SLC9A9: variants seen among roughly 807,000 people sequenced by gnomAD.
SLC9A9 encodes the protein solute carrier family 9 member A9, also known as sodium/hydrogen exchanger 9.
In SLC9A9, 62 loss-of-function variants were observed where a neutral mutation model predicts 77.8. That is an observed-to-expected ratio of 0.80 (90% CI 0.65 to 0.98). SLC9A9 has a LOEUF of 0.98. Ranked by LOEUF, SLC9A9 falls within the 50% of genes least tolerant of loss-of-function variation. The pLI is 0.00. For missense variants in SLC9A9, 775 were observed against 774.9 expected (o/e 1.00, Z 0.00); for synonymous variants, 320 against 283.5 (o/e 1.13, Z -1.29).
intron 4 of SLC9A9, among the ~76,000 whole-genome samples, chr3:143,743,188 TG>T: frequency 6.8e-6 from 1 of 147,348 alleles, no homozygotes; most frequent in Admixed American, 6.8e-5. Context: ...GAAGGAAGGA[TG>T]GATGGATAGA....
At chr3:143,748,829 G>A (rs941314590) in intron 4 of SLC9A9, among the ~76,000 whole-genome samples, 1 of 149,132 alleles carries the variant, frequency 6.7e-6, no homozygotes, top group Admixed American at 6.7e-5. Context: ...TCAGCCTCCC[G>A]AGTAGCTGGG....
intron 10 of SLC9A9, 132 bp downstream of exon 10, chr3:143,495,203 C>T (rs949043428): frequency 3.9e-5 from 28 of 712,144 alleles, no homozygotes; most frequent in East Asian, 3.0e-4. Context: ...CTAGAAATCA[C>T]GTATCTGCCT....
chr3:143,651,779 T>A (rs762541307), intron 6 of SLC9A9, among the ~76,000 whole-genome samples: 3 of 152,216 alleles, frequency 2.0e-5, no homozygotes, highest in Non-Finnish European at 4.4e-5. Context: ...ATGTGATGTT[T>A]TAAAGATGTA....
intron 2 of SLC9A9, among the ~76,000 whole-genome samples, chr3:143,817,197 G>A (rs1219781729): frequency 2.0e-5 from 3 of 149,168 alleles, no homozygotes; most frequent in Admixed American, 6.7e-5. Context: ...GCCGGACTGC[G>A]GACTGCAGTG....
At chr3:143,754,396 CT>C (rs1212685318) in intron 4 of SLC9A9, among the ~76,000 whole-genome samples, 1 of 152,098 alleles carries the variant, frequency 6.6e-6, no homozygotes, top group East Asian at 1.9e-4. Flanking sequence ...TCTATTCTTT[CT>C]TTGTTATGGT....
At chr3:143,509,318 GT>G (rs774832216) in intron 9 of SLC9A9, among the ~76,000 whole-genome samples, 2 of 152,126 alleles carry the variant, frequency 1.3e-5, no homozygotes, top group Non-Finnish European at 2.9e-5. Context: ...TGAAAATTAT[GT>G]TTGCTTAACT....
chr3:143,542,729 C>T (rs2036709758), intron 9 of SLC9A9, among the ~76,000 whole-genome samples: 1 of 152,072 alleles, frequency 6.6e-6, no homozygotes, highest in African/African-American at 2.4e-5. Flanking sequence ...CATATATTCT[C>T]TTCTCTATTT....
intron 5 of SLC9A9, among the ~76,000 whole-genome samples, chr3:143,684,383 G>A (rs1288876985): frequency 6.6e-6 from 1 of 151,932 alleles, no homozygotes; most frequent in African/African-American, 2.4e-5. Flanking sequence ...ATCTGAACTT[G>A]ATGAAAAAAA....
chr3:143,469,522 G>A (rs763369301), intron 11 of SLC9A9, among the ~76,000 whole-genome samples: 1 of 152,068 alleles, frequency 6.6e-6, no homozygotes, highest in Non-Finnish European at 1.5e-5. Flanking sequence ...ATCTGTATTC[G>A]TACATTAAAG....
At chr3:143,341,951 T>A (rs182860798) in intron 14 of SLC9A9, among the ~76,000 whole-genome samples, 1 of 152,178 alleles carries the variant, frequency 6.6e-6, no homozygotes, top group African/African-American at 2.4e-5. Context: ...CCCATGCAGA[T>A]GAAGAGCCCT....
In SLC9A9 at chr3:143,578,653, C is replaced by T. The variant is rs1310448539; in HGVS notation, c.826G>A (p.Gly276Arg). 1.9e-6 allele frequency: 3 copies of T among 1,613,936 alleles called. No individual in the cohort carries two copies. The highest frequency in any genetic ancestry group is 3.3e-5 in the Admixed American group (2 of 59,990). ...CCAGCGAAGATTCCCAGGAAATTCCCCACAGACTGGAAGAATGCTGCGGCA... is the reference window on the plus strand; with the variant it reads ...CCAGCGAAGATTCCCAGGAAATTCCTCACAGACTGGAAGAATGCTGCGGCA... Reference protein sequence around the residue: ...FDAAAFFQSVGNFLGIFAGSF... With the variant: ...FDAAAFFQSVRNFLGIFAGSF... The change falls in exon 7 of 16, where the codon GGG becomes AGG. Residue 276 changes from glycine to arginine, a missense_variant. Transcript: ENST00000316549.
chr3:143,680,676 A>G (rs1933059644), intron 5 of SLC9A9, among the ~76,000 whole-genome samples: 1 of 152,178 alleles, frequency 6.6e-6, no homozygotes, highest in African/African-American at 2.4e-5. Flanking sequence ...TTCGTTTTTA[A>G]TTCTAATAGT....
rs1241004872 is a variant in SLC9A9, at chr3:143,449,984, GTATATATACA to G, written c.1469+17043_1469+17052del. 6.6e-4 allele frequency among the ~76,000 whole-genome samples: 36 copies of G among 54,852 alleles called. 1 individual carries two copies. The East Asian group carries it at 0.016, about 24-fold the overall frequency. 36.0% of individuals were successfully genotyped at this position (54,852 alleles called of 152,430 possible). A position where few individuals can be genotyped will look rare whatever the true frequency, so the allele number is the denominator to read the frequency against. ...ATAATATATATAATATATATTATAT[GTATATATACA>G]TATATATACATATATGCATATATAC... On this transcript the variant is annotated intron_variant, in intron 12 of 15. Transcript: ENST00000316549.
intron 7 of SLC9A9, among the ~76,000 whole-genome samples, chr3:143,577,816 C>T (rs2037386589): frequency 6.6e-6 from 1 of 152,170 alleles, no homozygotes. Flanking sequence ...GGTCTTTGGC[C>T]CTAGATCTTC....
At chr3:143,589,711 G>A (rs6806933) in intron 6 of SLC9A9, among the ~76,000 whole-genome samples, 7 of 152,074 alleles carry the variant, frequency 4.6e-5, no homozygotes, top group African/African-American at 1.7e-4. Flanking sequence ...ATTGTTCTCA[G>A]TTCAGAGATA....
chr3:143,413,818 G>A (rs779368792), intron 12 of SLC9A9, among the ~76,000 whole-genome samples: 13 of 152,060 alleles, frequency 8.5e-5, no homozygotes, highest in Middle Eastern at 3.4e-3. Context: ...ACGTGCGTGC[G>A]CATGCATGTA....
At chr3:143,813,658 G>A (rs1359119860) in intron 2 of SLC9A9, among the ~76,000 whole-genome samples, 3 of 152,082 alleles carry the variant, frequency 2.0e-5, no homozygotes, top group Admixed American at 6.6e-5. Flanking sequence ...AAGGCAGCCC[G>A]CAGACCAAGC....
At position 143,288,271 on chromosome 3, in the gene SLC9A9, AC is replaced by A. The variant is rs554593371; in HGVS notation, c.1605-19292del. On this transcript the variant is annotated intron_variant, in intron 14 of 15. Coordinates refer to ENST00000316549, the MANE Select transcript of SLC9A9 (RefSeq NM_173653.4). The stretch of plus-strand genomic sequence containing the variant: ...TGGGCTCCAGTTATTAAAAAAAAAA[AC>A]AAAACAAAACCAAAGAACATATCAC... Among the ~76,000 whole-genome samples, 291 of 152,000 alleles carry A rather than the reference AC, an allele frequency of 1.9e-3. 1 individual carries two copies. The highest frequency in any genetic ancestry group is 6.7e-3 in the African/African-American group (277 of 41,450).
At chr3:143,393,802 A>G (rs2033630960) in intron 12 of SLC9A9, among the ~76,000 whole-genome samples, 1 of 151,892 alleles carries the variant, frequency 6.6e-6, no homozygotes, top group African/African-American at 2.4e-5. Context: ...ACAAACTACC[A>G]TCAGAGAATA....
Sources: gnomAD v4.1 joint callset for allele counts (sites outside exome capture counted in the v4.1 genomes callset) on GRCh38, gnomAD v4.1.1 for gene constraint, MANE v1.5 for transcripts, NCBI Gene and HGNC (gene_info 2026-07-23, HGNC 2026-07-21) for gene names.